ZNF277: variants seen among roughly 807,000 people sequenced by gnomAD.
The protein encoded by ZNF277 is nuclear receptor-interacting factor 4.
A neutral mutation model predicts 60.7 loss-of-function variants in ZNF277; 55 were observed. The ratio of observed to expected loss-of-function variants is 0.91; its 90% CI spans 0.73 to 1.13. ZNF277 has a LOEUF of 1.13. Ranked by LOEUF, ZNF277 falls within the 50% of genes most tolerant of loss-of-function variation. ZNF277 has a pLI of 0.00. For missense variants in ZNF277, 510 were observed against 523.0 expected, an observed-to-expected ratio of 0.98 and a Z score of 0.24; for synonymous variants, 178 against 179.3, an observed-to-expected ratio of 0.99 and a Z score of 0.06.
At chr7:112,294,978 C>T (rs1237140782) in intron 2 of ZNF277, among the ~76,000 whole-genome samples, 2 of 152,122 alleles carry the variant, frequency 1.3e-5, no homozygotes, top group African/African-American at 4.8e-5. Flanking sequence ...CTATATTCTT[C>T]ATCTATTTCA....
intron 1 of ZNF277, among the ~76,000 whole-genome samples, chr7:112,238,645 T>G (rs569494794): frequency 2.6e-5 from 4 of 152,058 alleles, no homozygotes; most frequent in African/African-American, 9.6e-5. Flanking sequence ...CCGCAGAGAC[T>G]CCATCCTTGG....
At chr7:112,282,277 G>A (rs1791964610) in intron 1 of ZNF277, among the ~76,000 whole-genome samples, 1 of 152,264 alleles carries the variant, frequency 6.6e-6, no homozygotes, top group South Asian at 2.1e-4. Flanking sequence ...GCCCACAGGA[G>A]AACCTGGAGA....
chr7:112,260,302 G>A (rs1030853251), intron 1 of ZNF277, among the ~76,000 whole-genome samples: 1 of 152,166 alleles, frequency 6.6e-6, no homozygotes, highest in Non-Finnish European at 1.5e-5. Flanking sequence ...AGATTAAAAG[G>A]AGGAAGAAGA....
At chr7:112,249,913 C>G (rs1319613840) in intron 1 of ZNF277, among the ~76,000 whole-genome samples, 1 of 152,026 alleles carries the variant, frequency 6.6e-6, no homozygotes, top group African/African-American at 2.4e-5. Flanking sequence ...ACAAATTGTA[C>G]AGCATGTGTG....
At chr7:112,217,144 A>T (rs1470091813) in intron 1 of ZNF277, among the ~76,000 whole-genome samples, 1 of 152,246 alleles carries the variant, frequency 6.6e-6, no homozygotes, top group Non-Finnish European at 1.5e-5. Flanking sequence ...GGAGGATATA[A>T]GAAGTACATA....
intron 4 of ZNF277, among the ~76,000 whole-genome samples, chr7:112,297,559 T>G (rs955366856): frequency 1.3e-5 from 2 of 152,132 alleles, no homozygotes; most frequent in African/African-American, 4.8e-5. Context: ...TTTCTTCCAG[T>G]AGGGGAAGGT....
intron 1 of ZNF277, among the ~76,000 whole-genome samples, chr7:112,248,938 A>G (rs1791141840): frequency 6.6e-6 from 1 of 152,062 alleles, no homozygotes; most frequent in Non-Finnish European, 1.5e-5. Context: ...CACAATCTGG[A>G]TTGATGTATC....
At chr7:112,239,489 GT>G (rs1790892745) in intron 1 of ZNF277, among the ~76,000 whole-genome samples, 1 of 152,202 alleles carries the variant, frequency 6.6e-6, no homozygotes, top group Non-Finnish European at 1.5e-5. Flanking sequence ...CCACAGGAGT[GT>G]TTGTGACCCC....
At chr7:112,277,021 G>C (rs1039131461) in intron 1 of ZNF277, among the ~76,000 whole-genome samples, 1 of 151,146 alleles carries the variant, frequency 6.6e-6, no homozygotes, top group Non-Finnish European at 1.5e-5. Context: ...ATAAGTAACA[G>C]GATACATGAT....
intron 1 of ZNF277, among the ~76,000 whole-genome samples, chr7:112,249,604 T>C (rs917726765): frequency 7.2e-5 from 11 of 152,136 alleles, no homozygotes; most frequent in Admixed American, 7.2e-4. Context: ...CAGAGTTGAG[T>C]ATTGCGGGAA....
chr7:112,278,339 T>A (rs1360255701), intron 1 of ZNF277, among the ~76,000 whole-genome samples: 1 of 152,222 alleles, frequency 6.6e-6, no homozygotes, highest in Non-Finnish European at 1.5e-5. Flanking sequence ...TTCACTCTTA[T>A]GTGATTTAAT....
intron 1 of ZNF277, among the ~76,000 whole-genome samples, chr7:112,251,899 G>A (rs1054329337): frequency 6.6e-6 from 1 of 152,164 alleles, no homozygotes; most frequent in African/African-American, 2.4e-5. Context: ...CATTTTTAAA[G>A]ACAGCTTATA....
intron 5 of ZNF277, among the ~76,000 whole-genome samples, chr7:112,322,332 CT>C (rs1793003194): frequency 6.6e-6 from 1 of 152,116 alleles, no homozygotes; most frequent in Non-Finnish European, 1.5e-5. Flanking sequence ...TAAACTTGAT[CT>C]CTGTAGCTGT....
At chr7:112,341,245 A>C (rs1793438807) in intron 11 of ZNF277, 199 bp downstream of exon 11, 1 of 413,994 alleles carries the variant, frequency 2.4e-6, no homozygotes, top group Non-Finnish European at 4.1e-6. Context: ...AAATGAAACC[A>C]AGTATTTTTC....
chr7:112,282,765 A>C (rs1791977464), intron 1 of ZNF277, among the ~76,000 whole-genome samples: 3 of 152,222 alleles, frequency 2.0e-5, no homozygotes. Flanking sequence ...CTAAACTCTT[A>C]TGTATTAGTT....
At chr7:112,334,986 T>C (rs1793302649) in intron 7 of ZNF277, among the ~76,000 whole-genome samples, 1 of 152,174 alleles carries the variant, frequency 6.6e-6, no homozygotes, top group Non-Finnish European at 1.5e-5. Flanking sequence ...ATGATAGATC[T>C]CTGTATATCT....
At chr7:112,330,513 G>T (rs1584416757) in intron 7 of ZNF277, 4 of 261,834 alleles carry the variant, frequency 1.5e-5, no homozygotes, top group East Asian at 6.2e-5. Flanking sequence ...CCCCATTTAT[G>T]TAATATCTTT....
At chr7:112,311,022 C>T (rs1449177826) in intron 4 of ZNF277, among the ~76,000 whole-genome samples, 2 of 152,082 alleles carry the variant, frequency 1.3e-5, no homozygotes, top group African/African-American at 2.4e-5. Flanking sequence ...TTGGATTTGT[C>T]CCTTTAAGCA....
chr7:112,315,841 A>T (rs1792832518), intron 4 of ZNF277, among the ~76,000 whole-genome samples: 1 of 152,006 alleles, frequency 6.6e-6, no homozygotes, highest in Non-Finnish European at 1.5e-5. Flanking sequence ...TGAGTGGCTC[A>T]TTTGTATTGA....
Sources: allele counts gnomAD v4.1 joint callset (sites outside exome capture counted in the v4.1 genomes callset), GRCh38; gene constraint gnomAD v4.1.1; transcripts MANE v1.5; gene names NCBI Gene and HGNC (gene_info 2026-07-23, HGNC 2026-07-21).